SLC44A5: variants seen among roughly 807,000 people sequenced by gnomAD.
SLC44A5 encodes the protein solute carrier family 44 member 5, also known as choline transporter-like protein 5.
Under a neutral mutation model 101.8 loss-of-function variants are expected in SLC44A5, and 57 were observed. The ratio of observed to expected loss-of-function variants is 0.56; its 90% CI spans 0.45 to 0.70. The LOEUF (loss-of-function observed/expected upper bound fraction) is 0.70, where lower values mean the gene tolerates loss of function less well. SLC44A5 is among the 30% of genes least tolerant of loss of function. The pLI, the probability that SLC44A5 is intolerant of heterozygous loss-of-function variation, is 0.00. For synonymous variants in SLC44A5, 281 were observed against 290.9 expected (o/e 0.97, Z 0.35); for missense variants, 737 against 853.1 (o/e 0.86, Z 1.70).
At chr1:75,426,378 G>A (rs1664306615) in intron 2 of SLC44A5, among the ~76,000 whole-genome samples, 1 of 152,190 alleles carries the variant, frequency 6.6e-6, no homozygotes, top group Non-Finnish European at 1.5e-5. Context: ...TTGGCAGTGA[G>A]TCCAACTGTT....
At chr1:75,349,926 A>G (rs974375617) in intron 3 of SLC44A5, among the ~76,000 whole-genome samples, 4 of 152,208 alleles carry the variant, frequency 2.6e-5, no homozygotes, top group Non-Finnish European at 5.9e-5. Flanking sequence ...GGAAAATAGA[A>G]TAAGAAATTT....
intron 4 of SLC44A5, among the ~76,000 whole-genome samples, chr1:75,328,287 A>G (rs1405048037): frequency 1.3e-5 from 2 of 152,252 alleles, no homozygotes; most frequent in African/African-American, 4.8e-5. Context: ...CCTGGGCAGA[A>G]CAATATTTGA....
chr1:75,688,418 C>T, the SLC44A5 span, among the ~76,000 whole-genome samples: 1 of 152,182 alleles, frequency 6.6e-6, no homozygotes, highest in Non-Finnish European at 1.5e-5. Context: ...CAAGATAGGC[C>T]TCTTAGATAT....
At chr1:75,612,725 CTAAATGAA>C (rs892058410), upstream of SLC44A5, among the ~76,000 whole-genome samples, 4 of 150,868 alleles carry the variant, frequency 2.7e-5, no homozygotes, top group East Asian at 2.0e-4. Context: ...TAAATATGTG[CTAAATGAA>C]TAAATGAATA....
chr1:75,523,408 G>A (rs7519948), intron 2 of SLC44A5, among the ~76,000 whole-genome samples: 8,399 of 152,112 alleles, frequency 0.055, 321 homozygotes, highest in Middle Eastern at 0.11. Context: ...CACCTCCCAC[G>A]TTCAAGCCAT....
intron 2 of SLC44A5, among the ~76,000 whole-genome samples, chr1:75,525,714 G>A (rs993269605): frequency 6.6e-6 from 1 of 152,108 alleles, no homozygotes; most frequent in South Asian, 2.1e-4. Flanking sequence ...TATCATGTGT[G>A]TGGGTATAAT....
At chr1:75,313,931 C>T (rs74096634) in intron 4 of SLC44A5, among the ~76,000 whole-genome samples, 22 of 152,254 alleles carry the variant, frequency 1.4e-4, no homozygotes, top group African/African-American at 5.3e-4. Context: ...AGGAAGCTTG[C>T]TAACATCTGT....
chr1:75,527,420 ACAG>A (rs760382492), intron 2 of SLC44A5, among the ~76,000 whole-genome samples: 40,633 of 151,648 alleles, frequency 0.27, 6,817 homozygotes, highest in East Asian at 0.79. Flanking sequence ...ACCCAGACAC[ACAG>A]AAAGCCAAAA....
At chr1:75,664,485 T>C in the SLC44A5 span, among the ~76,000 whole-genome samples, 2 of 152,050 alleles carry the variant, frequency 1.3e-5, no homozygotes, top group African/African-American at 4.8e-5. Flanking sequence ...AAAATCAATG[T>C]ACAAAAATCA....
chr1:75,213,724 T>C lies in SLC44A5; in HGVS notation c.1943A>G (p.Tyr648Cys), dbSNP rs368941842. ...VIAQGPASLN[Y>C]YWVPLLTVIF... ...TCTTACCAGCAAAGGTACCCAGTAG[T>C]AATTTAAAGATGCTGGTCCTTGTGC... Residue 648 changes from tyrosine (Y) to cysteine (C), a missense_variant, in exon 22 of 24, where the codon TAC becomes TGC. Around this residue, in one of 3 missense-constraint regions of SLC44A5, gnomAD observed 11 missense variants for 32.2 expected, o/e 0.34. Coordinates refer to ENST00000370859, the MANE Select transcript of SLC44A5 (RefSeq NM_001130058.2). The C allele has an allele frequency of 2.2e-5, 35 of 1,612,104 alleles. No individual in the cohort carries two copies. In the East Asian group the frequency reaches 5.1e-4, roughly 24 times the overall value.
intron 1 of SLC44A5, among the ~76,000 whole-genome samples, chr1:75,608,553 T>A (rs1675460880): frequency 1.3e-5 from 2 of 152,154 alleles, no homozygotes; most frequent in African/African-American, 4.8e-5. Context: ...TCTGAACTGG[T>A]GCCACATTTC....
chr1:75,613,801 A>G (rs1675754343), upstream of SLC44A5, among the ~76,000 whole-genome samples: 2 of 152,240 alleles, frequency 1.3e-5, no homozygotes, highest in South Asian at 4.1e-4. Flanking sequence ...AATACAAATG[A>G]TTCCATACTG....
intron 6 of SLC44A5, among the ~76,000 whole-genome samples, chr1:75,252,325 C>T (rs1649646175): frequency 1.3e-5 from 2 of 152,124 alleles, no homozygotes. Flanking sequence ...GGCTATTGAG[C>T]AATATTTTTC....
At chr1:75,379,046 G>A (rs200187291) in intron 3 of SLC44A5, among the ~76,000 whole-genome samples, 13 of 79,508 alleles carry the variant, frequency 1.6e-4, no homozygotes, top group East Asian at 6.3e-3. Context: ...GCAATTCCCA[G>A]TAACGTTAGA....
chr1:75,383,441 G>A (rs1661046558), intron 3 of SLC44A5, among the ~76,000 whole-genome samples: 1 of 151,812 alleles, frequency 6.6e-6, no homozygotes, highest in Non-Finnish European at 1.5e-5. Context: ...AGGTGTGTAG[G>A]GGCAACCCAC....
At chr1:75,693,018 C>A in the SLC44A5 span, among the ~76,000 whole-genome samples, 2 of 152,080 alleles carry the variant, frequency 1.3e-5, no homozygotes, top group Admixed American at 1.3e-4. Context: ...AACATGAAAT[C>A]TAAATCATTC....
chr1:75,644,161 A>C, the SLC44A5 span, among the ~76,000 whole-genome samples: 2 of 152,216 alleles, frequency 1.3e-5, no homozygotes, highest in Non-Finnish European at 2.9e-5. Flanking sequence ...CCATTTGTCT[A>C]TCAAGGGAAC....
rs530774385 is a variant in SLC44A5, at chr1:75,431,626, G to A, written c.14-35005C>T. ...TAGTGGCGAGGAGGAGTGGGTTTTT[G>A]TTTTTTATTGGAGAGCTGAAATACA... On this transcript the variant is annotated intron_variant, in intron 2 of 23. Coordinates refer to ENST00000370859, the MANE Select transcript of SLC44A5 (RefSeq NM_001130058.2). Among the ~76,000 whole-genome samples, 3 of 151,946 alleles carry A rather than the reference G, an allele frequency of 2.0e-5. No individual in the cohort carries two copies. In the South Asian group the frequency reaches 6.3e-4, roughly 32 times the overall value.
At chr1:75,386,778 C>A (rs549474267) in intron 3 of SLC44A5, among the ~76,000 whole-genome samples, 1 of 151,900 alleles carries the variant, frequency 6.6e-6, no homozygotes, top group South Asian at 2.1e-4. Flanking sequence ...AAGAACAAAG[C>A]TGGAGGCATC....
Sources: allele counts gnomAD v4.1 joint callset (sites outside exome capture counted in the v4.1 genomes callset), GRCh38; gene constraint gnomAD v4.1.1; regional missense constraint gnomAD v4.1.1; transcripts MANE v1.5; gene names NCBI Gene and HGNC (gene_info 2026-07-23, HGNC 2026-07-21).